Variants in CRPPA observed in about 807,000 individuals in gnomAD.
CRPPA encodes the protein D-ribitol-5-phosphate cytidylyltransferase.
In CRPPA, 43 loss-of-function variants were observed where a neutral mutation model predicts 52.0. The ratio of observed to expected loss-of-function variants is 0.83; its 90% CI spans 0.65 to 1.07. The LOEUF is 1.07. Ranked by LOEUF, CRPPA falls within the 50% of genes least tolerant of loss-of-function variation. The pLI, the probability that CRPPA is intolerant of heterozygous loss-of-function variation, is 0.00. For missense variants in CRPPA, 629 were observed against 551.7 expected (o/e 1.14, Z -1.40); for synonymous variants, 250 against 203.5 (o/e 1.23, Z -1.94).
At chr7:16,336,525 C>CA (rs1452017865) in intron 3 of CRPPA, among the ~76,000 whole-genome samples, 4 of 139,270 alleles carry the variant, frequency 2.9e-5, no homozygotes, top group Admixed American at 2.2e-4. Flanking sequence ...CATACCACCA[C>CA]AAAAAACTTC....
At chr7:16,391,909 G>A (rs1054923763) in intron 2 of CRPPA, among the ~76,000 whole-genome samples, 1 of 152,082 alleles carries the variant, frequency 6.6e-6, no homozygotes, top group Non-Finnish European at 1.5e-5. Context: ...ATGTCTTCAT[G>A]ATATTTTATA....
rs1004398976 is a variant in CRPPA at position 16,182,992 on chromosome 7, C to G, written c.1251+33074G>C. On this transcript the variant is annotated intron_variant, in intron 9 of 9. Transcript: ENST00000407010. ...AAATACTAAATCACAAGGGCTGACT[C>G]AAGGCTAAAAATGACTACATCTATT... is the stretch of plus-strand genomic sequence containing the variant. Among the ~76,000 whole-genome samples, 10 of 152,104 alleles carry G rather than the reference C, an allele frequency of 6.6e-5. 1 individual carries two copies. Among genetic ancestry groups the G allele is most frequent in the African/African-American group, 2.4e-4 (10 of 41,422 alleles).
intron 1 of CRPPA, among the ~76,000 whole-genome samples, chr7:16,410,073 A>T (rs1229920192): frequency 6.6e-6 from 1 of 152,202 alleles, no homozygotes; most frequent in African/African-American, 2.4e-5. Context: ...TAAATCTAAG[A>T]ATGAAAACAG....
intron 3 of CRPPA, among the ~76,000 whole-genome samples, chr7:16,375,112 T>G (rs1419450436): frequency 2.0e-5 from 3 of 152,176 alleles, no homozygotes; most frequent in African/African-American, 7.2e-5. Flanking sequence ...AACCTAAAAC[T>G]GCACACCTCC....
chr7:16,198,783 G>T, intron 9 of CRPPA, among the ~76,000 whole-genome samples: 1 of 151,038 alleles, frequency 6.6e-6, no homozygotes, highest in Non-Finnish European at 1.5e-5. Context: ...AAACTCCTGG[G>T]CTCACGCAAT....
chr7:16,276,278 A>G (rs1181167488), intron 6 of CRPPA, among the ~76,000 whole-genome samples: 2 of 152,190 alleles, frequency 1.3e-5, no homozygotes, highest in Non-Finnish European at 2.9e-5. Flanking sequence ...AAATAATGTC[A>G]AATAAAAAGA....
intron 5 of CRPPA, among the ~76,000 whole-genome samples, chr7:16,292,585 C>A: frequency 6.6e-6 from 1 of 151,932 alleles, no homozygotes. Flanking sequence ...CTGCCAGACT[C>A]CTTTTAAATT....
intron 3 of CRPPA, among the ~76,000 whole-genome samples, chr7:16,308,975 G>A (rs1001753387): frequency 6.6e-6 from 1 of 152,162 alleles, no homozygotes; most frequent in Non-Finnish European, 1.5e-5. Flanking sequence ...AGGTATGGCT[G>A]AGGATTATCA....
At chr7:16,289,805 A>G (rs1784522590) in intron 5 of CRPPA, among the ~76,000 whole-genome samples, 1 of 152,172 alleles carries the variant, frequency 6.6e-6, no homozygotes, top group African/African-American at 2.4e-5. Context: ...TATCCACCAC[A>G]GTACTGGAAG....
At chr7:16,377,076 C>T (rs144705214) in intron 2 of CRPPA, among the ~76,000 whole-genome samples, 1 of 152,132 alleles carries the variant, frequency 6.6e-6, no homozygotes. Flanking sequence ...AATTAGTGCA[C>T]AAGTAAAACA....
At chr7:16,210,034 A>G (rs1361776954) in intron 9 of CRPPA, among the ~76,000 whole-genome samples, 2 of 152,218 alleles carry the variant, frequency 1.3e-5, no homozygotes, top group Non-Finnish European at 1.5e-5. Flanking sequence ...ATCCAAATCA[A>G]GCTCTTTAAA....
At chr7:16,415,577 T>C (rs764554623) in intron 1 of CRPPA, among the ~76,000 whole-genome samples, 1 of 152,186 alleles carries the variant, frequency 6.6e-6, no homozygotes, top group Non-Finnish European at 1.5e-5. Context: ...CTGATGTCTA[T>C]ACTTTTTCAA....
At chr7:16,397,383 A>G (rs4351322) in intron 2 of CRPPA, among the ~76,000 whole-genome samples, 75,846 of 152,160 alleles carry the variant, frequency 0.5, 20,549 homozygotes, top group African/African-American at 0.71. Context: ...CGTGTGACAT[A>G]TGACAGATGT....
chr7:16,348,123 G>T (rs1308350433), intron 3 of CRPPA, among the ~76,000 whole-genome samples: 1 of 152,136 alleles, frequency 6.6e-6, no homozygotes, highest in Non-Finnish European at 1.5e-5. Flanking sequence ...ATAATACCTT[G>T]CTGGCAACCT....
At chr7:16,323,139 G>A (rs1016617707) in intron 3 of CRPPA, among the ~76,000 whole-genome samples, 17 of 152,012 alleles carry the variant, frequency 1.1e-4, no homozygotes, top group African/African-American at 3.1e-4. Flanking sequence ...CAAACCATAC[G>A]AAATAGAAAA....
chr7:16,273,451 G>A (rs1027039603), intron 6 of CRPPA, among the ~76,000 whole-genome samples: 3 of 152,014 alleles, frequency 2.0e-5, no homozygotes, highest in African/African-American at 7.2e-5. Context: ...CAGCTTGAAG[G>A]TGGGACTTCA....
intron 3 of CRPPA, among the ~76,000 whole-genome samples, chr7:16,353,592 G>A (rs1056623547): frequency 6.6e-6 from 1 of 152,192 alleles, no homozygotes; most frequent in African/African-American, 2.4e-5. Flanking sequence ...GCTCACGCCT[G>A]TAATCCTAGC....
At chr7:16,112,152 T>TA (rs1343225045) in intron 9 of CRPPA, among the ~76,000 whole-genome samples, 1 of 151,974 alleles carries the variant, frequency 6.6e-6, no homozygotes, top group Non-Finnish European at 1.5e-5. Flanking sequence ...CCATCTCTAC[T>TA]AAAAATACAA....
At chr7:16,336,935 T>A (rs1041368313) in intron 3 of CRPPA, among the ~76,000 whole-genome samples, 1 of 151,984 alleles carries the variant, frequency 6.6e-6, no homozygotes, top group Non-Finnish European at 1.5e-5. Flanking sequence ...CAAGACCACA[T>A]AAAATTCATA....
Sources: gnomAD v4.1 joint callset for allele counts (sites outside exome capture counted in the v4.1 genomes callset) on GRCh38, gnomAD v4.1.1 for gene constraint, MANE v1.5 for transcripts, NCBI Gene and HGNC (gene_info 2026-07-23, HGNC 2026-07-21) for gene names.